The following ANKRD36 variants were observed in gnomAD, a reference collection of about 807,000 sequenced individuals.
ANKRD36 encodes ankyrin repeat domain-containing protein 36A.
In ANKRD36, 179 loss-of-function variants were observed where a neutral mutation model predicts 278.1. The ratio of observed to expected loss-of-function variants is 0.64; its 90% confidence interval spans 0.57 to 0.73. The LOEUF (loss-of-function observed/expected upper bound fraction) is 0.73, where lower values mean the gene tolerates loss of function less well. ANKRD36 is among the 30% of genes least tolerant of loss of function. The probability of loss-of-function intolerance (pLI) is 0.00; values close to 1 mark genes in which losing one functional copy is unlikely to be tolerated. For synonymous variants in ANKRD36, 320 were observed against 641.1 expected (o/e 0.50, Z 7.57); for missense variants, 1,159 against 1,956.7 (o/e 0.59, Z 7.69).
intron 17 of ANKRD36, among the ~76,000 whole-genome samples, chr2:97,159,778 A>C (rs1310782244): frequency 6.6e-6 from 1 of 151,240 alleles, no homozygotes; most frequent in African/African-American, 2.4e-5. Flanking sequence ...AAAAATTAAA[A>C]TTTCTGGTTA....
chr2:97,203,851 A>G (rs2153604352), intron 48 of ANKRD36, among the ~76,000 whole-genome samples: 1 of 151,918 alleles, frequency 6.6e-6, no homozygotes, highest in South Asian at 2.1e-4. Context: ...GACAAATCAT[A>G]CCATGTTTGA....
rs2066094966 is a variant in ANKRD36 at position 97,216,958 on chromosome 2, A to G, written c.3674-219A>G. 7 of 1,136,052 alleles carry G rather than the reference A, an allele frequency of 6.2e-6. No individual in the cohort carries two copies. In the South Asian group the frequency reaches 8.6e-5, roughly 14 times the overall value. 70.4% of individuals were successfully genotyped at this position (1,136,052 alleles called of 1,614,324 possible). ...TTTAGTTTTAGACATATGACAAATC[A>G]TACCATGCTTGAAATTGTAAGTATA... On this transcript the variant is annotated intron_variant, in intron 62 of 75. Transcript: ENST00000420699.
rs1206468342 is a variant in ANKRD36 at position 97,181,986 on chromosome 2, C to T, written c.1837+193C>T. On this transcript the variant is annotated intron_variant, in intron 26 of 75. Coordinates refer to ENST00000420699, the MANE Select transcript of ANKRD36 (RefSeq NM_001354587.1). ...CTTTGCAATAAGATTATAGACTTCC[C>T]CACATTGAAATTGGGAAGAAGAAAC... Among the ~76,000 whole-genome samples the T allele has an allele frequency of 1.1e-4, 17 of 151,532 alleles. No homozygotes were observed. In the South Asian group the frequency reaches 2.3e-3, roughly 21 times the overall value.
chr2:97,196,614 C>A lies in ANKRD36; in HGVS notation c.2573C>A (p.Thr858Asn). Residue 858 changes from threonine to asparagine, a missense_variant, in exon 41 of 76, where the codon ACC becomes AAC. Physicochemically the swap from Thr to Asn is moderately conservative, Grantham distance 65 (BLOSUM62 0). Coordinates refer to ENST00000420699, the MANE Select transcript of ANKRD36 (RefSeq NM_001354587.1). Reference protein sequence around the residue: ...SRKVSSQKPPTLKGTSDEEDS... With the variant: ...SRKVSSQKPPNLKGTSDEEDS... ...TCAGTGTCTTCTCAGAAACCACCAA[C>A]CTTGAAGGTAATGAAACTCCCATTT... The A allele has an allele frequency of 6.2e-7, 1 of 1,604,472 alleles. No individual in the cohort carries two copies. The highest frequency in any genetic ancestry group is 2.2e-5 in the East Asian group (1 of 44,546).
At chr2:97,183,707 G>A (rs901456189) in intron 28 of ANKRD36, 53 bp downstream of exon 28, 27 of 1,519,704 alleles carry the variant, frequency 1.8e-5, no homozygotes, top group Middle Eastern at 2.4e-4. Context: ...AGAAGAGAAC[G>A]TCCCACCCCT....
intron 22 of ANKRD36, among the ~76,000 whole-genome samples, chr2:97,172,181 A>C (rs967596372): frequency 1.3e-5 from 2 of 151,876 alleles, no homozygotes; most frequent in Non-Finnish European, 2.9e-5. Context: ...ACACATGTGC[A>C]CATTCATAGA....
chr2:97,184,516 A>T (rs1045808530), intron 28 of ANKRD36, among the ~76,000 whole-genome samples: 28 of 151,902 alleles, frequency 1.8e-4, no homozygotes, highest in Admixed American at 3.3e-4. Context: ...TATTAATTGA[A>T]TCCTAAAATG....
At position 97,138,794 on chromosome 2, in the gene ANKRD36, A is replaced by G. The variant is rs2042163965; in HGVS notation, c.800-3846A>G. Among the ~76,000 whole-genome samples the G allele has an allele frequency of 5.9e-5, 9 of 152,132 alleles. 1 individual carries two copies. The South Asian group carries it at 1.9e-3, about 32-fold the overall frequency. On this transcript the variant is annotated intron_variant, in intron 6 of 75. Transcript: ENST00000420699. ...AGAAATAATGCCATACATCTACACC[A>G]TCTGATCTTTGACAAACCTGACAAA...
At chr2:97,211,636 T>G in intron 57 of ANKRD36, 33 bp from the exon 58 acceptor site, 1 of 1,592,052 alleles carries the variant, frequency 6.3e-7, no homozygotes, top group Non-Finnish European at 8.5e-7. Flanking sequence ...ATATACTTTA[T>G]TTATTGACTG....
At chr2:97,213,878 A>C (rs2065292510) in intron 60 of ANKRD36, among the ~76,000 whole-genome samples, 1 of 151,798 alleles carries the variant, frequency 6.6e-6, no homozygotes, top group Non-Finnish European at 1.5e-5. Flanking sequence ...GGCTCAGGGG[A>C]ACAGCATAAT....
At chr2:97,178,590 A>G (rs1295740577) in intron 22 of ANKRD36, among the ~76,000 whole-genome samples, 2 of 149,818 alleles carry the variant, frequency 1.3e-5, no homozygotes, top group African/African-American at 2.4e-5. Context: ...AAAAAACCAA[A>G]CACCGCATAT....
At chr2:97,141,465 T>A (rs532216923) in intron 6 of ANKRD36, among the ~76,000 whole-genome samples, 304 of 126,676 alleles carry the variant, frequency 2.4e-3, no homozygotes, top group African/African-American at 8.5e-3. Context: ...AATGATTTTT[T>A]AAATTATGAC....
chr2:97,126,595 G>T (rs954425746), intron 5 of ANKRD36, among the ~76,000 whole-genome samples: 4 of 151,874 alleles, frequency 2.6e-5, no homozygotes, highest in Admixed American at 6.6e-5. Context: ...TTTGATTTGG[G>T]ATTTCAAAAT....
At chr2:97,230,267 A>C (rs1398801687) in intron 67 of ANKRD36, among the ~76,000 whole-genome samples, 2 of 152,074 alleles carry the variant, frequency 1.3e-5, no homozygotes, top group African/African-American at 4.8e-5. Context: ...CGTGACTTTC[A>C]GGTACACCAA....
chr2:97,199,965 CAT>C (rs1558709310), intron 44 of ANKRD36, among the ~76,000 whole-genome samples: 2 of 151,880 alleles, frequency 1.3e-5, no homozygotes, highest in African/African-American at 2.4e-5. Flanking sequence ...GCATGAAAGA[CAT>C]GTGGGATCAT....
At chr2:97,201,623 G>T (rs534223043) in intron 46 of ANKRD36, among the ~76,000 whole-genome samples, 168 of 151,978 alleles carry the variant, frequency 1.1e-3, no homozygotes, top group East Asian at 1.8e-3. Context: ...CACATGGGTG[G>T]GAGAGATAAT....
intron 28 of ANKRD36, among the ~76,000 whole-genome samples, chr2:97,184,450 T>C (rs982877040): frequency 2.0e-5 from 3 of 151,746 alleles, no homozygotes; most frequent in Non-Finnish European, 4.4e-5. Context: ...AAATTCTTTA[T>C]AATACAATGA....
At chr2:97,229,936 T>C (rs1245400770) in intron 67 of ANKRD36, among the ~76,000 whole-genome samples, 3 of 135,970 alleles carry the variant, frequency 2.2e-5, no homozygotes, top group Non-Finnish European at 3.5e-5. Context: ...GGTTGAAAAT[T>C]CTTTTCTTTA....
intron 40 of ANKRD36, among the ~76,000 whole-genome samples, chr2:97,195,613 T>C (rs896720714): frequency 3.9e-5 from 6 of 152,030 alleles, no homozygotes; most frequent in Non-Finnish European, 5.9e-5. Flanking sequence ...ATTTTGTTGA[T>C]TTTAGTTATA....
Sources: gnomAD v4.1 joint callset for allele counts (sites outside exome capture counted in the v4.1 genomes callset) on GRCh38, gnomAD v4.1.1 for gene constraint, MANE v1.5 for transcripts, NCBI Gene and HGNC (gene_info 2026-07-23, HGNC 2026-07-21) for gene names.